The following CRACD variants were observed in gnomAD, a reference collection of about 807,000 sequenced individuals.
CRACD encodes the protein capping protein inhibiting regulator of actin dynamics.
Under a neutral mutation model 106.8 loss-of-function variants are expected in CRACD, and 56 were observed. The ratio of observed to expected loss-of-function variants is 0.52; its 90% CI spans 0.42 to 0.66. CRACD has a LOEUF of 0.66. CRACD is among the 30% of genes least tolerant of loss of function. The pLI is 0.00. For synonymous variants in CRACD, 754 were observed against 670.8 expected (o/e 1.12, Z -1.92); for missense variants, 1,730 against 1,623.2 (o/e 1.07, Z -1.13).
chr4:56,096,649 A>C (rs1229977159), intron 1 of CRACD, among the ~76,000 whole-genome samples: 1 of 151,984 alleles, frequency 6.6e-6, no homozygotes, highest in Non-Finnish European at 1.5e-5. Flanking sequence ...AAAAGAGAAT[A>C]GAGAAATGAC....
At chr4:56,266,602 C>T (rs1742035718) in intron 2 of CRACD, among the ~76,000 whole-genome samples, 1 of 152,198 alleles carries the variant, frequency 6.6e-6, no homozygotes. Context: ...GCATTGCAGA[C>T]GTGCTCTGTT....
chr4:56,164,618 G>C (rs982637518), intron 1 of CRACD, among the ~76,000 whole-genome samples: 2 of 152,124 alleles, frequency 1.3e-5, no homozygotes, highest in Non-Finnish European at 2.9e-5. Flanking sequence ...AAACTATAGG[G>C]ACAGAAATCA....
At chr4:56,243,654 TAGTA>T (rs1032239002) in intron 2 of CRACD, among the ~76,000 whole-genome samples, 1 of 152,178 alleles carries the variant, frequency 6.6e-6, no homozygotes, top group African/African-American at 2.4e-5. Context: ...TGTGGATACA[TAGTA>T]GGTGTATATA....
chr4:56,109,413 C>T (rs966344415), intron 1 of CRACD, among the ~76,000 whole-genome samples: 2 of 152,100 alleles, frequency 1.3e-5, no homozygotes, highest in Admixed American at 6.6e-5. Flanking sequence ...GGTAATCCTT[C>T]GCCCACACTG....
chr4:56,296,093 GT>G (rs929488523), intron 3 of CRACD, among the ~76,000 whole-genome samples: 18 of 152,070 alleles, frequency 1.2e-4, no homozygotes, highest in African/African-American at 4.1e-4. Context: ...CATCTGCACC[GT>G]CTTCCTCTCC....
chr4:56,214,679 C>CTG, intron 2 of CRACD, among the ~76,000 whole-genome samples: 1 of 74,222 alleles, frequency 1.3e-5, no homozygotes, highest in Non-Finnish European at 2.8e-5. Context: ...CTCTCTCTCT[C>CTG]TCTATATATA....
chr4:56,301,832 A>T (rs1744388505), intron 4 of CRACD, among the ~76,000 whole-genome samples: 1 of 152,174 alleles, frequency 6.6e-6, no homozygotes, highest in Non-Finnish European at 1.5e-5. Context: ...GATTTAAAAG[A>T]AAAAAATCAC....
intron 3 of CRACD, among the ~76,000 whole-genome samples, chr4:56,282,746 A>G (rs1228969524): frequency 6.6e-6 from 1 of 152,230 alleles, no homozygotes; most frequent in Non-Finnish European, 1.5e-5. Flanking sequence ...GGCGGATGAC[A>G]AAGACCACAG....
chr4:56,199,062 C>A (rs1737753141), intron 2 of CRACD, among the ~76,000 whole-genome samples: 2 of 152,084 alleles, frequency 1.3e-5, no homozygotes, highest in Non-Finnish European at 2.9e-5. Context: ...TCAACCCTGA[C>A]AGCTTGGTGC....
intron 1 of CRACD, among the ~76,000 whole-genome samples, chr4:56,085,624 T>C (rs1577953168): frequency 6.6e-6 from 1 of 152,366 alleles, no homozygotes; most frequent in African/African-American, 2.4e-5. Flanking sequence ...TATTTTACTT[T>C]GGTTTTGTTT....
intron 1 of CRACD, among the ~76,000 whole-genome samples, chr4:56,156,563 ATGT>A (rs1031350239): frequency 6.6e-6 from 1 of 152,234 alleles, no homozygotes; most frequent in Admixed American, 6.5e-5. Context: ...TTTCTGCAGA[ATGT>A]AAGATTTGAT....
intron 2 of CRACD, among the ~76,000 whole-genome samples, chr4:56,245,948 G>C (rs1740655482): frequency 6.6e-6 from 1 of 152,164 alleles, no homozygotes; most frequent in South Asian, 2.1e-4. Flanking sequence ...GCAAAATGTA[G>C]ACTATGTTAT....
chr4:56,315,524 A>G lies in CRACD; in HGVS notation c.2022A>G (p.Arg674=). ...CAGAATGGGCTTCCATTCGGTCCAG[A>G]ATCCTGAAGAACGCAGAGAGTGACC... ...ALAEWASIRS[R]ILKNAESDPR... is the part of the protein sequence containing the mutation. Residue 674 remains arginine, a synonymous_variant, in exon 8 of 11, where the codon AGA becomes AGG. Coordinates refer to ENST00000682029, the MANE Select transcript of CRACD (RefSeq NM_001393381.1). The surrounding 1 kb of genome is among the most constrained non-coding windows in gnomAD (Gnocchi z 4.1). 6.2e-7 allele frequency: 1 copy of G among 1,614,008 alleles called. No individual in the cohort carries two copies.
chr4:56,247,903 C>G (rs1191208723), intron 2 of CRACD, among the ~76,000 whole-genome samples: 2 of 151,368 alleles, frequency 1.3e-5, no homozygotes, highest in Non-Finnish European at 2.9e-5. Context: ...TGGGAGTGGA[C>G]TTTGCATGGG....
intron 2 of CRACD, among the ~76,000 whole-genome samples, chr4:56,214,681 C>CTATATATATATATATATA (rs545506498): frequency 5.8e-4 from 47 of 80,836 alleles, no homozygotes; most frequent in Middle Eastern, 6.9e-3. Context: ...CTCTCTCTCT[C>CTATATATATATATATATA]TATATATATA....
intron 3 of CRACD, among the ~76,000 whole-genome samples, chr4:56,285,455 T>A (rs76686587): frequency 2.1e-5 from 3 of 141,534 alleles, no homozygotes; most frequent in Non-Finnish European, 4.7e-5. Flanking sequence ...TTTTTTTTTT[T>A]AAGAGACAAT....
intron 1 of CRACD, among the ~76,000 whole-genome samples, chr4:56,172,998 C>T (rs1330820365): frequency 3.9e-5 from 6 of 152,166 alleles, no homozygotes; most frequent in Admixed American, 6.5e-5. Flanking sequence ...TCAGGTGATC[C>T]GCCCGCCTCG....
chr4:56,286,777 C>T lies in CRACD; in HGVS notation c.-16-11437C>T, dbSNP rs554834785. On this transcript the variant is annotated intron_variant, in intron 3 of 10. Coordinates refer to ENST00000682029, the MANE Select transcript of CRACD (RefSeq NM_001393381.1). ...CAAGTCCTCTGGCTCCCACTGCTGC[C>T]GTGGTCAGGGTGATGAGCATCATGC... is the stretch of plus-strand genomic sequence containing the variant. Among the ~76,000 whole-genome samples the T allele has an allele frequency of 7.2e-5, 11 of 152,108 alleles. No individual in the cohort carries two copies. The East Asian group carries it at 1.7e-3, about 24-fold the overall frequency.
At chr4:56,233,823 G>A (rs1739786797) in intron 2 of CRACD, among the ~76,000 whole-genome samples, 1 of 152,128 alleles carries the variant, frequency 6.6e-6, no homozygotes, top group Non-Finnish European at 1.5e-5. Flanking sequence ...TCCAACCCAT[G>A]TATATGGTAT....
Sources: allele counts gnomAD v4.1 joint callset (sites outside exome capture counted in the v4.1 genomes callset), GRCh38; gene constraint gnomAD v4.1.1; non-coding constraint Gnocchi (gnomAD v3.1); transcripts MANE v1.5; gene names NCBI Gene and HGNC (gene_info 2026-07-23, HGNC 2026-07-21).